Variants in FAM163A observed in about 807,000 individuals in gnomAD.
The protein encoded by FAM163A is family with sequence similarity 163 member A, also known as protein FAM163A.
FAM163A carries 7 observed loss-of-function variants against 12.0 expected under a neutral mutation model. The observed-to-expected ratio is 0.58, with a 90% CI of 0.33 to 1.10. The LOEUF is 1.10. Ranked by LOEUF, FAM163A falls within the 50% of genes least tolerant of loss-of-function variation. The pLI, the probability that FAM163A is intolerant of heterozygous loss-of-function variation, is 0.03. For synonymous variants in FAM163A, 101 were observed against 91.0 expected (o/e 1.11, Z -0.62); for missense variants, 202 against 218.6 (o/e 0.92, Z 0.48).
rs745814373 is a variant in FAM163A, at chr1:179,814,031, G to A, written c.346G>A (p.Gly116Arg). The A allele has an allele frequency of 1.9e-6, 3 of 1,613,300 alleles. No homozygotes were observed. The highest frequency in any genetic ancestry group is 1.7e-6 in the Non-Finnish European group (2 of 1,179,564). The change falls in exon 5 of 5, where the codon GGG (glycine) becomes AGG (arginine). Residue 116 changes from glycine to arginine, a missense_variant. Transcript: ENST00000341785. ...ACGGACGGCTGACATGGTGCCCAAT[G>A]GGGGTGGAGGCGAGAGGCTCTCCTT... is the stretch of plus-strand genomic sequence containing the variant. ...YIRTADMVPN[G>R]GGGERLSFAP...
rs1052172415 is a variant in FAM163A, at chr1:179,777,549, C to T, written c.-135-30249C>T. Among the ~76,000 whole-genome samples, 7 of 152,248 alleles carry T rather than the reference C, an allele frequency of 4.6e-5. No individual in the cohort carries two copies. In the East Asian group the frequency reaches 1.2e-3, roughly 25 times the overall value. On this transcript the variant is annotated intron_variant, in intron 1 of 4. Transcript: ENST00000341785. ...GGTTCTGATGTGCTGCTGCAGATGCCCCAAGCTCCAGATCAAGGTCACCTG... is the reference window on the plus strand; with the variant it reads ...GGTTCTGATGTGCTGCTGCAGATGCTCCAAGCTCCAGATCAAGGTCACCTG...
At chr1:179,752,520 G>A (rs920947795) in intron 1 of FAM163A, among the ~76,000 whole-genome samples, 2 of 151,786 alleles carry the variant, frequency 1.3e-5, no homozygotes, top group East Asian at 1.9e-4. Context: ...GGCAGCCTAT[G>A]GGATGGGAGG....
At chr1:179,774,966 T>TG (rs1215060525) in intron 1 of FAM163A, among the ~76,000 whole-genome samples, 1 of 152,080 alleles carries the variant, frequency 6.6e-6, no homozygotes. Context: ...AACAAAGAAT[T>TG]GGACAAAACG....
chr1:179,812,115 CGTTCCCTTT>C lies in FAM163A; in HGVS notation c.-38_-30del, dbSNP rs1694783066. The stretch of plus-strand genomic sequence containing the variant: ...TCCTTTCTGTTGTCTTGCAGGTCGC[CGTTCCCTTT>C]ACTGAATGTAAGTGATCGTAGTCAT... On this transcript the variant is annotated 5_prime_UTR_variant, in exon 3 of 5. Transcript: ENST00000341785. The C allele has an allele frequency of 2.0e-5, 3 of 152,656 alleles. No homozygotes were observed. The highest frequency in any genetic ancestry group is 7.2e-5 in the African/African-American group (3 of 41,444). The allele number at this position is 152,656 out of a possible 1,614,324, so 9.5% of individuals were successfully genotyped here. A position where few individuals can be genotyped will look rare whatever the true frequency, so the allele number is the denominator to read the frequency against.
At chr1:179,756,187 A>G (rs145886707) in intron 1 of FAM163A, among the ~76,000 whole-genome samples, 83 of 152,356 alleles carry the variant, frequency 5.4e-4, no homozygotes, top group African/African-American at 1.9e-3. Flanking sequence ...AGAAGGCAGT[A>G]ATGCCTTGTG....
rs544172301 is a variant in FAM163A, at chr1:179,773,414, A to G, written c.-136+29991A>G. Among the ~76,000 whole-genome samples, 6 of 152,328 alleles carry G rather than the reference A, an allele frequency of 3.9e-5. 1 individual carries two copies. Among genetic ancestry groups the G allele is most frequent in the African/African-American group, 1.4e-4 (6 of 41,584 alleles). ...AGAAATCCAAATGTCACTAGATTGTATCGGTGTCAATTTCCTGGTGTGATA... is the reference window on the plus strand; with the variant it reads ...AGAAATCCAAATGTCACTAGATTGTGTCGGTGTCAATTTCCTGGTGTGATA... On this transcript the variant is annotated intron_variant, in intron 1 of 4. Transcript: ENST00000341785.
chr1:179,796,951 C>A (rs10798724), intron 1 of FAM163A, among the ~76,000 whole-genome samples: 1 of 152,052 alleles, frequency 6.6e-6, no homozygotes, highest in South Asian at 2.1e-4. Context: ...CAGTTCTCAC[C>A]CCTTTAGCTC....
At chr1:179,801,438 G>A (rs760497079) in intron 1 of FAM163A, among the ~76,000 whole-genome samples, 2 of 152,104 alleles carry the variant, frequency 1.3e-5, no homozygotes, top group East Asian at 1.9e-4. Flanking sequence ...GCATGGAGAC[G>A]TCTCTCCTGT....
intron 1 of FAM163A, among the ~76,000 whole-genome samples, chr1:179,763,724 G>A (rs2148060234): frequency 6.6e-6 from 1 of 152,318 alleles, no homozygotes; most frequent in Non-Finnish European, 1.5e-5. Context: ...TCTGGTGGTA[G>A]GTTATAGCAA....
At chr1:179,755,292 G>C (rs1332423105) in intron 1 of FAM163A, among the ~76,000 whole-genome samples, 2 of 152,170 alleles carry the variant, frequency 1.3e-5, no homozygotes, top group Non-Finnish European at 2.9e-5. Flanking sequence ...TTGGTCAGGA[G>C]ACTGTGAGGG....
At chr1:179,727,840 AAC>A in the FAM163A span, among the ~76,000 whole-genome samples, 1 of 152,162 alleles carries the variant, frequency 6.6e-6, no homozygotes, top group Admixed American at 6.5e-5. Context: ...TCCCAAGAAA[AAC>A]ACAGTGAGTG....
chr1:179,730,799 T>A, the FAM163A span, among the ~76,000 whole-genome samples: 2 of 152,162 alleles, frequency 1.3e-5, no homozygotes, highest in African/African-American at 4.8e-5. Context: ...ATTCAGCAAA[T>A]CTTGAAAACT....
intron 1 of FAM163A, among the ~76,000 whole-genome samples, chr1:179,806,687 A>AG (rs551425408): frequency 2.6e-5 from 4 of 152,174 alleles, no homozygotes; most frequent in Admixed American, 6.5e-5. Context: ...TCCCCCACCC[A>AG]GGGGGGGCCT....
chr1:179,783,139 A>AG (rs1323476635), intron 1 of FAM163A, among the ~76,000 whole-genome samples: 2 of 151,990 alleles, frequency 1.3e-5, no homozygotes, highest in Non-Finnish European at 2.9e-5. Flanking sequence ...TAAAAAAAAA[A>AG]AAAAAGGAAA....
the FAM163A span, among the ~76,000 whole-genome samples, chr1:179,735,849 C>T: frequency 6.6e-6 from 1 of 152,124 alleles, no homozygotes; most frequent in Non-Finnish European, 1.5e-5. Context: ...TGGAGCAGCA[C>T]TCGCACTTGC....
chr1:179,814,122 C>A lies in FAM163A; in HGVS notation c.437C>A (p.Pro146Gln), dbSNP rs370264198. Residue 146 changes from proline (P) to glutamine (Q), a missense_variant, in exon 5 of 5, where the codon CCG becomes CAG. Coordinates refer to ENST00000341785, the MANE Select transcript of FAM163A (RefSeq NM_173509.3). ...AAATTGGCAGCACCCCAGAGTTACC[C>A]GGTGACCTGGCCAGGCTCTGGGCGT... ...SLKLAAPQSY[P>Q]VTWPGSGREA... 169 of 1,614,086 alleles carry A rather than the reference C, an allele frequency of 1.0e-4. No individual in the cohort carries two copies. The highest frequency in any genetic ancestry group is 1.4e-4 in the Non-Finnish European group (163 of 1,180,036).
chr1:179,792,781 C>T (rs1407480655), intron 1 of FAM163A, among the ~76,000 whole-genome samples: 1 of 152,086 alleles, frequency 6.6e-6, no homozygotes, highest in Non-Finnish European at 1.5e-5. Flanking sequence ...TGTAAACATG[C>T]ACGAAAGGGC....
At chr1:179,781,406 T>TA (rs1689707876) in intron 1 of FAM163A, among the ~76,000 whole-genome samples, 1 of 151,998 alleles carries the variant, frequency 6.6e-6, no homozygotes, top group South Asian at 2.1e-4. Context: ...CTAGCTGCAG[T>TA]ATAGCATGGG....
chr1:179,763,617 T>G (rs1280186178), intron 1 of FAM163A, among the ~76,000 whole-genome samples: 1 of 152,166 alleles, frequency 6.6e-6, no homozygotes, highest in East Asian at 1.9e-4. Flanking sequence ...TCTAATAAGG[T>G]TAATCAGGAA....
Sources: gnomAD v4.1 joint callset for allele counts (sites outside exome capture counted in the v4.1 genomes callset) on GRCh38, gnomAD v4.1.1 for gene constraint, MANE v1.5 for transcripts, NCBI Gene and HGNC (gene_info 2026-07-23, HGNC 2026-07-21) for gene names.